Variants in PPFIA2 observed in about 807,000 individuals in gnomAD.
PPFIA2 encodes liprin-alpha-2.
Under a neutral mutation model 175.5 loss-of-function variants are expected in PPFIA2, and 46 were observed. The ratio of observed to expected loss-of-function variants is 0.26; its 90% CI spans 0.21 to 0.34. PPFIA2 has a LOEUF of 0.34. Ranked by LOEUF, PPFIA2 falls within the 10% of genes least tolerant of loss-of-function variation. PPFIA2 has a pLI of 1.00. For missense variants in PPFIA2, 1,179 were observed against 1,506.1 expected, an observed-to-expected ratio of 0.78 and a Z score of 3.60; for synonymous variants, 568 against 511.4, an observed-to-expected ratio of 1.11 and a Z score of -1.49.
chr12:81,523,828 CA>C (rs1436860711), intron 4 of PPFIA2, among the ~76,000 whole-genome samples: 3 of 152,202 alleles, frequency 2.0e-5, no homozygotes, highest in African/African-American at 7.2e-5. Context: ...ACCTTGGTCA[CA>C]GTCTTGCTTT....
intron 7 of PPFIA2, among the ~76,000 whole-genome samples, chr12:81,426,866 A>G (rs753988354): frequency 6.6e-6 from 1 of 152,104 alleles, no homozygotes; most frequent in African/African-American, 2.4e-5. Flanking sequence ...GGCCACTGCA[A>G]TGTTCTCATG....
chr12:81,711,400 G>C (rs2077894100), intron 3 of PPFIA2, among the ~76,000 whole-genome samples: 1 of 151,138 alleles, frequency 6.6e-6, no homozygotes, highest in African/African-American at 2.4e-5. Context: ...GAAATGCCAA[G>C]ATTTTCATGC....
intron 9 of PPFIA2, among the ~76,000 whole-genome samples, chr12:81,377,158 G>A (rs975642468): frequency 1.3e-5 from 2 of 152,026 alleles, no homozygotes; most frequent in African/African-American, 4.8e-5. Context: ...CTTGAAGTGA[G>A]ATGCTGTGTG....
rs1282628572 is a variant in PPFIA2, at chr12:81,639,630, TTAAA to T, written c.303+37157_303+37160del. On this transcript the variant is annotated intron_variant, in intron 4 of 32. Coordinates refer to ENST00000549396, the MANE Select transcript of PPFIA2 (RefSeq NM_003625.5). ...TACAACAGGTGAAATGTTTTTAGATTTAAATAAAGAAAGCTGAGATATATGTGTT... is the reference window on the plus strand; with the variant it reads ...TACAACAGGTGAAATGTTTTTAGATTTAAAGAAAGCTGAGATATATGTGTT... Among the ~76,000 whole-genome samples the T allele has an allele frequency of 4.5e-5, 6 of 134,322 alleles. No homozygotes were observed. In the East Asian group the frequency reaches 5.8e-4, roughly 13 times the overall value. The allele number at this position is 134,322 out of a possible 152,430, so 88.1% of individuals were successfully genotyped here.
intron 4 of PPFIA2, among the ~76,000 whole-genome samples, chr12:81,496,354 G>A (rs773602094): frequency 2.6e-5 from 4 of 152,096 alleles, no homozygotes; most frequent in Admixed American, 6.6e-5. Context: ...AATATTTTTG[G>A]AGACAATTGC....
chr12:81,683,289 C>A (rs1468804669), intron 3 of PPFIA2, among the ~76,000 whole-genome samples: 5 of 151,944 alleles, frequency 3.3e-5, no homozygotes, highest in Non-Finnish European at 7.4e-5. Context: ...TACCTTCATT[C>A]CTGTCATCCT....
At chr12:81,492,504 A>T (rs1255146930) in intron 4 of PPFIA2, among the ~76,000 whole-genome samples, 1 of 152,164 alleles carries the variant, frequency 6.6e-6, no homozygotes, top group East Asian at 1.9e-4. Context: ...GGAGGGGTGG[A>T]GCTGCAATCT....
chr12:81,341,015 G>A (rs1004085088), intron 20 of PPFIA2, 63 bp downstream of exon 20: 8 of 1,457,406 alleles, frequency 5.5e-6, no homozygotes, highest in Middle Eastern at 1.8e-4. Context: ...CGACAACAAC[G>A]AAGGAAGAGG....
chr12:81,360,362 A>C (rs2061428370), intron 15 of PPFIA2, among the ~76,000 whole-genome samples: 2 of 151,808 alleles, frequency 1.3e-5, no homozygotes, highest in African/African-American at 4.8e-5. Context: ...ATCTCCTGTG[A>C]CTCTTGCATG....
chr12:81,674,661 C>T (rs537534336), intron 4 of PPFIA2, among the ~76,000 whole-genome samples: 5 of 151,854 alleles, frequency 3.3e-5, no homozygotes, highest in South Asian at 2.1e-4. Context: ...AACAAGACTC[C>T]GTCTCAAAAA....
intron 22 of PPFIA2, among the ~76,000 whole-genome samples, chr12:81,312,579 C>T (rs1187392687): frequency 1.3e-5 from 2 of 152,088 alleles, no homozygotes; most frequent in East Asian, 1.9e-4. Context: ...TTTTATATAG[C>T]TTTATAAGCC....
chr12:81,723,086 A>G (rs1237934805), intron 3 of PPFIA2, among the ~76,000 whole-genome samples: 1 of 151,138 alleles, frequency 6.6e-6, no homozygotes, highest in Non-Finnish European at 1.5e-5. Context: ...ACAAGTGCAC[A>G]TATTAAAGCA....
chr12:81,561,617 A>T (rs2153393386), intron 4 of PPFIA2, among the ~76,000 whole-genome samples: 1 of 152,284 alleles, frequency 6.6e-6, no homozygotes, highest in East Asian at 1.9e-4. Context: ...TCTGATAAAT[A>T]AATTTTATAT....
chr12:81,402,717 G>C (rs1173001327), intron 8 of PPFIA2, among the ~76,000 whole-genome samples: 1 of 152,086 alleles, frequency 6.6e-6, no homozygotes, highest in East Asian at 1.9e-4. Context: ...AGCCAGGCAG[G>C]GTGGCTCACG....
At chr12:81,749,875 T>C (rs1442064468) in intron 3 of PPFIA2, among the ~76,000 whole-genome samples, 1 of 143,954 alleles carries the variant, frequency 6.9e-6, no homozygotes, top group African/African-American at 2.4e-5. Context: ...TCAAGTTTAT[T>C]GTTCTTTCTA....
intron 6 of PPFIA2, among the ~76,000 whole-genome samples, chr12:81,441,548 A>G (rs969504682): frequency 4.6e-5 from 7 of 152,110 alleles, no homozygotes; most frequent in Admixed American, 2.0e-4. Context: ...AACAAAATAC[A>G]TAGGATTAAT....
At chr12:81,367,981 T>G (rs1283799191) in intron 13 of PPFIA2, 1 of 615,370 alleles carries the variant, frequency 1.6e-6, no homozygotes, top group Non-Finnish European at 2.5e-6. Context: ...TAACTTTTTG[T>G]CAAAACATTT....
At chr12:81,456,050 T>C (rs1033677616) in intron 5 of PPFIA2, among the ~76,000 whole-genome samples, 3 of 152,212 alleles carry the variant, frequency 2.0e-5, no homozygotes, top group African/African-American at 7.2e-5. Flanking sequence ...ACCAAAGCTT[T>C]GTATTTCCCT....
chr12:81,493,974 C>A (rs1359671245), intron 4 of PPFIA2, among the ~76,000 whole-genome samples: 1 of 151,498 alleles, frequency 6.6e-6, no homozygotes, highest in East Asian at 1.9e-4. Flanking sequence ...TTAGGTTAGA[C>A]CTAAAACCAT....
Sources: gnomAD v4.1 joint callset for allele counts (sites outside exome capture counted in the v4.1 genomes callset) on GRCh38, gnomAD v4.1.1 for gene constraint, MANE v1.5 for transcripts, NCBI Gene and HGNC (gene_info 2026-07-23, HGNC 2026-07-21) for gene names.